The following ODAD1 variants were observed in gnomAD, a reference collection of about 807,000 sequenced individuals.
ODAD1 encodes the protein outer dynein arm docking complex subunit 1, also known as outer dynein arm-docking complex subunit 1.
Under a neutral mutation model 67.2 loss-of-function variants are expected in ODAD1, and 49 were observed. The ratio of observed to expected loss-of-function variants is 0.73; its 90% confidence interval spans 0.58 to 0.92. ODAD1 has a LOEUF of 0.92. Ranked by LOEUF, ODAD1 falls within the 40% of genes least tolerant of loss-of-function variation. The pLI, the probability that ODAD1 is intolerant of heterozygous loss-of-function variation, is 0.00. For synonymous variants in ODAD1, 345 were observed against 393.7 expected (o/e 0.88, Z 1.46); for missense variants, 897 against 953.7 (o/e 0.94, Z 0.78).
intron 5 of ODAD1, 37 bp downstream of exon 5, chr19:48,318,350 G>A (rs933154599): frequency 4.4e-5 from 67 of 1,527,036 alleles, no homozygotes; most frequent in Middle Eastern, 1.7e-4. Flanking sequence ...ACACTTGCCC[G>A]TAAGCAGGAT....
intron 14 of ODAD1, 23 bp downstream of exon 14, chr19:48,297,977 G>A (rs767697029): frequency 8.8e-6 from 14 of 1,585,326 alleles, no homozygotes; most frequent in Non-Finnish European, 1.1e-5. Context: ...TCCCCTCTGC[G>A]TCCCTCCTGC....
intron 12 of ODAD1, among the ~76,000 whole-genome samples, chr19:48,301,518 C>G (rs1222449760): frequency 6.6e-6 from 1 of 152,190 alleles, no homozygotes; most frequent in African/African-American, 2.4e-5. Flanking sequence ...ATTTTCTTTA[C>G]AAATAATAAC....
Position 48,320,287 on chromosome 19 carries a change from T to G in ODAD1, c.70+12A>C. 7.9e-7 allele frequency: 1 copy of G among 1,265,902 alleles called. No individual in the cohort carries two copies. Among genetic ancestry groups the G allele is most frequent in the African/African-American group, 1.5e-5 (1 of 65,480 alleles). 78.4% of individuals were successfully genotyped at this position (1,265,902 alleles called of 1,614,324 possible). ...AAGAATGGGTGAATGATATAAAGAA[T>G]GAATGAATTACCCATTCCCTCCAGA... On this transcript the variant is annotated intron_variant, in intron 3 of 15. Transcript: ENST00000674294.
chr19:48,297,937 T>G, intron 14 of ODAD1, 63 bp downstream of exon 14: 5 of 1,320,400 alleles, frequency 3.8e-6, no homozygotes, highest in Non-Finnish European at 2.1e-6. Flanking sequence ...CTCTATCCTG[T>G]GTGTTCCCTC....
intron 5 of ODAD1, among the ~76,000 whole-genome samples, chr19:48,312,540 C>T (rs1279452605): frequency 6.6e-6 from 1 of 151,794 alleles, no homozygotes; most frequent in Non-Finnish European, 1.5e-5. Context: ...CCTCAACCTC[C>T]CGAGTAGCTG....
intron 7 of ODAD1, 82 bp from the exon 8 acceptor site, chr19:48,306,405 C>T: frequency 1.7e-6 from 2 of 1,194,060 alleles, no homozygotes; most frequent in South Asian, 2.6e-5. Flanking sequence ...CCGTGCTTCT[C>T]CAATAAGGAG....
chr19:48,298,569 G>A (rs1016315378), intron 12 of ODAD1, among the ~76,000 whole-genome samples: 1 of 152,198 alleles, frequency 6.6e-6, no homozygotes, highest in African/African-American at 2.4e-5. Flanking sequence ...CTGCCTCCAG[G>A]AAGCCTTCCC....
chr19:48,318,064 C>G (rs1968945355), intron 5 of ODAD1, among the ~76,000 whole-genome samples: 1 of 152,086 alleles, frequency 6.6e-6, no homozygotes, highest in Non-Finnish European at 1.5e-5. Context: ...CAGAGCAAGA[C>G]TCCGTCTCAA....
At chr19:48,312,425 T>G (rs1212358881) in intron 5 of ODAD1, among the ~76,000 whole-genome samples, 5 of 143,610 alleles carry the variant, frequency 3.5e-5, no homozygotes, top group Non-Finnish European at 6.1e-5. Flanking sequence ...TTTTTTTTTT[T>G]TTTTTTTGAG....
rs766433918 is a variant in ODAD1 at position 48,302,778 on chromosome 19, G to A, written c.1156C>T (p.Arg386Cys). The change falls in exon 12 of 16, where the codon CGC (arginine) becomes TGC (cysteine). Residue 386 changes from arginine (R) to cysteine (C), a missense_variant. Transcript: ENST00000674294. ...QEQQQKVLQQ[R>C]MDKVHSEAER... Reference sequence around the variant, plus strand: ...GCCTCCGAGTGCACCTTGTCCATGCGCTGCTGCAACACCTTCTGCTGCTGC... The same window carrying A: ...GCCTCCGAGTGCACCTTGTCCATGCACTGCTGCAACACCTTCTGCTGCTGC... The A allele has an allele frequency of 1.2e-5, 20 of 1,613,794 alleles. No homozygotes were observed. The highest frequency in any genetic ancestry group is 8.9e-5 in the East Asian group (4 of 44,900).
In ODAD1 at chr19:48,298,214, A is replaced by G. The variant is rs776657117; in HGVS notation, c.1367T>C (p.Val456Ala). ...GAAGGCCTGCACTGTCAGGAGCTCC[A>G]CCAGCCGCTTCTCAATGAGGCTCAG... ...LFLSLIEKRL[V>A]ELLTVQAFLH... The change falls in exon 13 of 16, where the codon GTG becomes GCG. Residue 456 changes from valine to alanine, a missense_variant. Physicochemically the swap from Val to Ala is moderately conservative, Grantham distance 64 (BLOSUM62 0). Coordinates refer to ENST00000674294, the MANE Select transcript of ODAD1 (RefSeq NM_001364171.2). 6.8e-6 allele frequency: 11 copies of G among 1,611,620 alleles called. No individual in the cohort carries two copies. The highest frequency in any genetic ancestry group is 9.3e-6 in the Non-Finnish European group (11 of 1,179,690).
intron 7 of ODAD1, among the ~76,000 whole-genome samples, chr19:48,307,763 C>T (rs1356632554): frequency 6.7e-6 from 1 of 149,298 alleles, no homozygotes. Flanking sequence ...TGCAGTGAGC[C>T]GAGATCATGC....
At chr19:48,300,135 G>A (rs919642864) in intron 12 of ODAD1, among the ~76,000 whole-genome samples, 9 of 152,040 alleles carry the variant, frequency 5.9e-5, no homozygotes, top group Non-Finnish European at 1.2e-4. Context: ...GCGAAACCCC[G>A]TCTCTACTAA....
chr19:48,320,419 C>T, intron 2 of ODAD1, 28 bp from the exon 3 acceptor site: 2 of 1,230,608 alleles, frequency 1.6e-6, no homozygotes, highest in Admixed American at 2.6e-5. Context: ...TAAGACCCTT[C>T]AGACAGCAGG....
At chr19:48,306,963 A>G (rs980849478) in intron 7 of ODAD1, among the ~76,000 whole-genome samples, 12 of 152,036 alleles carry the variant, frequency 7.9e-5, no homozygotes, top group African/African-American at 2.7e-4. Flanking sequence ...CGGGAGGATC[A>G]CCTGAGGTCG....
intron 12 of ODAD1, among the ~76,000 whole-genome samples, chr19:48,300,668 T>C (rs970457308): frequency 1.3e-5 from 2 of 152,144 alleles, no homozygotes; most frequent in African/African-American, 4.8e-5. Context: ...AACTCAGTTA[T>C]AGCAAGACAA....
Position 48,297,281 on chromosome 19 carries a change from C to G in ODAD1, c.1819G>C (p.Gly607Arg). The G allele has an allele frequency of 6.2e-7, 1 of 1,614,002 alleles. No homozygotes were observed. Among genetic ancestry groups the G allele is most frequent in the Non-Finnish European group, 8.5e-7 (1 of 1,180,014 alleles). ...VTFGGLSSST[G>R]HLPSHITHGD... The stretch of plus-strand genomic sequence containing the variant: ...TGCGTGATGTGGCTGGGCAAATGCC[C>G]AGTGCTGGAGCTGAGGCCGCCAAAA... The change falls in exon 16 of 16, where the codon GGG becomes CGG. Residue 607 changes from glycine to arginine, a missense_variant. Physicochemically the swap from Gly to Arg is moderately radical, Grantham distance 125. Coordinates refer to ENST00000674294, the MANE Select transcript of ODAD1 (RefSeq NM_001364171.2).
chr19:48,308,005 G>A (rs914139155), intron 7 of ODAD1, among the ~76,000 whole-genome samples: 2 of 152,058 alleles, frequency 1.3e-5, no homozygotes, highest in African/African-American at 4.8e-5. Context: ...GATGGGGTAT[G>A]TCCAAAGGCC....
downstream of ODAD1, chr19:48,296,461 C>T (rs1463625109): frequency 6.5e-6 from 1 of 153,304 alleles, no homozygotes; most frequent in Non-Finnish European, 1.5e-5. Flanking sequence ...CTGAAGCCAG[C>T]TCTCCACACA....
Sources: allele counts gnomAD v4.1 joint callset (sites outside exome capture counted in the v4.1 genomes callset), GRCh38; gene constraint gnomAD v4.1.1; transcripts MANE v1.5; gene names NCBI Gene and HGNC (gene_info 2026-07-23, HGNC 2026-07-21).